Variants in ADGRB3 observed in about 807,000 individuals in gnomAD.
ADGRB3 encodes the protein brain-specific angiogenesis inhibitor 3.
In ADGRB3, 37 loss-of-function variants were observed where a neutral mutation model predicts 193.4. The observed-to-expected ratio is 0.19, with a 90% CI of 0.15 to 0.25. ADGRB3 has a LOEUF of 0.25. ADGRB3 is among the 10% of genes least tolerant of loss of function. The pLI, the probability that ADGRB3 is intolerant of heterozygous loss-of-function variation, is 1.00. For missense variants in ADGRB3, 1,637 were observed against 1,852.9 expected, an observed-to-expected ratio of 0.88 and a Z score of 2.14; for synonymous variants, 690 against 644.2, an observed-to-expected ratio of 1.07 and a Z score of -1.08.
At chr6:69,188,110 G>A (rs1765106316) in intron 17 of ADGRB3, among the ~76,000 whole-genome samples, 2 of 151,980 alleles carry the variant, frequency 1.3e-5, no homozygotes, top group South Asian at 4.1e-4. Context: ...GATTAATATT[G>A]CCTTGTTTTA....
chr6:69,051,975 A>C (rs929581470), intron 15 of ADGRB3, among the ~76,000 whole-genome samples: 10 of 152,084 alleles, frequency 6.6e-5, no homozygotes, highest in Non-Finnish European at 1.5e-4. Context: ...GCTCACTGCA[A>C]GATCTCCCGG....
intron 11 of ADGRB3, among the ~76,000 whole-genome samples, chr6:68,996,548 C>T (rs896094349): frequency 6.6e-6 from 1 of 152,160 alleles, no homozygotes; most frequent in South Asian, 2.1e-4. Context: ...ATTACTCTTT[C>T]TCCTCACAGA....
intron 4 of ADGRB3, among the ~76,000 whole-genome samples, chr6:68,933,021 T>A (rs915046834): frequency 1.5e-4 from 23 of 150,518 alleles, no homozygotes; most frequent in Non-Finnish European, 2.2e-4. Context: ...GTAGCATAGT[T>A]TGGATATAAA....
chr6:69,353,090 G>C (rs1167298072), intron 26 of ADGRB3, among the ~76,000 whole-genome samples: 1 of 152,172 alleles, frequency 6.6e-6, no homozygotes, highest in Non-Finnish European at 1.5e-5. Flanking sequence ...ACAGCTCGTG[G>C]GGAGCTTGAT....
chr6:69,219,487 A>ATATATATATATATATATATG lies in ADGRB3; in HGVS notation c.2481-13797_2481-13796insTATATATATATATGTATATA, dbSNP rs1455210313. On this transcript the variant is annotated intron_variant, in intron 17 of 31. Transcript: ENST00000370598. ...TATATATATATATATATATATATAT[A>ATATATATATATATATATATG]TATATACGTGTGTGTGTATATAGGT... Among the ~76,000 whole-genome samples the ATATATATATATATATATATG allele has an allele frequency of 5.0e-5, 7 of 140,520 alleles. 1 individual carries two copies. The highest frequency in any genetic ancestry group is 9.4e-5 in the Non-Finnish European group (6 of 64,028). The allele number at this position is 140,520 out of a possible 152,430, so 92.2% of individuals were successfully genotyped here.
At chr6:68,702,522 A>G (rs947548765) in intron 3 of ADGRB3, among the ~76,000 whole-genome samples, 16 of 152,178 alleles carry the variant, frequency 1.1e-4, no homozygotes, top group Admixed American at 9.2e-4. Flanking sequence ...ATATCAAATT[A>G]TTTTTAGACT....
intron 11 of ADGRB3, among the ~76,000 whole-genome samples, chr6:69,011,504 G>T (rs1769936359): frequency 6.6e-6 from 1 of 151,538 alleles, no homozygotes; most frequent in Non-Finnish European, 1.5e-5. Context: ...GAGAGGGGAA[G>T]GAGCTACAAA....
At chr6:68,677,779 T>C (rs2127296814) in intron 3 of ADGRB3, among the ~76,000 whole-genome samples, 1 of 152,036 alleles carries the variant, frequency 6.6e-6, no homozygotes, top group Non-Finnish European at 1.5e-5. Flanking sequence ...CTAATTTTTG[T>C]AATTTTTCAT....
chr6:69,310,471 T>C (rs1031789444), intron 20 of ADGRB3, among the ~76,000 whole-genome samples: 3 of 151,854 alleles, frequency 2.0e-5, no homozygotes, highest in East Asian at 1.9e-4. Flanking sequence ...GACTCAGATT[T>C]AGAAATGAGG....
intron 28 of ADGRB3, 56 bp from the exon 29 acceptor site, chr6:69,360,813 A>G: frequency 6.8e-7 from 1 of 1,470,642 alleles, no homozygotes; most frequent in Non-Finnish European, 9.1e-7. Flanking sequence ...TAATATAATA[A>G]TGAAAAATAA....
At chr6:69,221,867 A>G (rs1255399014) in intron 17 of ADGRB3, among the ~76,000 whole-genome samples, 2 of 152,088 alleles carry the variant, frequency 1.3e-5, no homozygotes, top group African/African-American at 4.8e-5. Flanking sequence ...TCCCTTCGGT[A>G]GCATATAATT....
rs145776605 is a variant in ADGRB3, at chr6:69,174,708, A to C, written c.2481-58582A>C. 1.5e-3 allele frequency among the ~76,000 whole-genome samples: 236 copies of C among 152,294 alleles called. 3 individuals are homozygous for C. The highest frequency in any genetic ancestry group is 5.3e-3 in the African/African-American group (219 of 41,566). The stretch of plus-strand genomic sequence containing the variant: ...CCACAGTAGCTGAACTAATTTACCT[A>C]ATTTACATTCCCACCACAGTGTACA... On this transcript the variant is annotated intron_variant, in intron 17 of 31. Transcript: ENST00000370598.
At chr6:68,848,945 T>A (rs571690836) in intron 3 of ADGRB3, among the ~76,000 whole-genome samples, 1 of 152,056 alleles carries the variant, frequency 6.6e-6, no homozygotes, top group Non-Finnish European at 1.5e-5. Context: ...TTTTAATGTA[T>A]CTTCTCAGTT....
intron 31 of ADGRB3, among the ~76,000 whole-genome samples, chr6:69,385,695 C>T (rs768663526): frequency 6.6e-6 from 1 of 152,116 alleles, no homozygotes; most frequent in Non-Finnish European, 1.5e-5. Context: ...GAGACTTACA[C>T]TAACTTCGAA....
intron 3 of ADGRB3, among the ~76,000 whole-genome samples, chr6:68,848,070 TAATC>T (rs775278472): frequency 1.3e-5 from 2 of 151,456 alleles, no homozygotes; most frequent in African/African-American, 4.8e-5. Context: ...TAATATTTGT[TAATC>T]AAGCATAAAA....
chr6:69,044,825 G>A (rs1206856358), intron 13 of ADGRB3, among the ~76,000 whole-genome samples: 2 of 152,182 alleles, frequency 1.3e-5, no homozygotes, highest in Non-Finnish European at 2.9e-5. Context: ...TTTGTTCAGG[G>A]ACACTGAGTC....
Position 69,279,071 on chromosome 6 carries a change from GTATATATATATATATATATATATATA to G in ADGRB3, c.2814+39869_2814+39894del, listed in dbSNP as rs57824884. On this transcript the variant is annotated intron_variant, in intron 20 of 31. Transcript: ENST00000370598. ...CTCATATGGCATATTAAATACATAT[GTATATATATATATATATATATATATA>G]TATATATATATATATATATATATGC... is the stretch of plus-strand genomic sequence containing the variant. 3.4e-4 allele frequency among the ~76,000 whole-genome samples: 24 copies of G among 71,378 alleles called. 1 individual carries two copies. The highest frequency in any genetic ancestry group is 9.8e-4 in the Admixed American group (6 of 6,140). The allele number at this position is 71,378 out of a possible 152,430, so 46.8% of individuals were successfully genotyped here. A position where few individuals can be genotyped will look rare whatever the true frequency, so the allele number is the denominator to read the frequency against.
In ADGRB3 at chr6:69,016,337, A is replaced by G. The variant is rs147358623; in HGVS notation, c.1999-2054A>G. Among the ~76,000 whole-genome samples, 52 of 152,080 alleles carry G rather than the reference A, an allele frequency of 3.4e-4. 1 individual carries two copies. In the East Asian group the frequency reaches 9.7e-3, roughly 28 times the overall value. On this transcript the variant is annotated intron_variant, in intron 12 of 31. Coordinates refer to ENST00000370598, the MANE Select transcript of ADGRB3 (RefSeq NM_001704.3). ...AAAAAAACACATTCATTATTTAATA[A>G]TCAGTAAACCAGAATGTAATGTGCA...
intron 17 of ADGRB3, among the ~76,000 whole-genome samples, chr6:69,225,538 C>A (rs932530057): frequency 2.0e-5 from 3 of 152,168 alleles, no homozygotes; most frequent in African/African-American, 7.2e-5. Context: ...CAACCCTTTA[C>A]CAGGTAGATG....
Sources: gnomAD v4.1 joint callset for allele counts (sites outside exome capture counted in the v4.1 genomes callset) on GRCh38, gnomAD v4.1.1 for gene constraint, MANE v1.5 for transcripts, NCBI Gene and HGNC (gene_info 2026-07-23, HGNC 2026-07-21) for gene names.